Variants in AK7 observed in about 807,000 individuals in gnomAD.
The protein encoded by AK7 is adenylate kinase 7, also known as ATP-AMP transphosphorylase 7.
AK7 carries 78 observed loss-of-function variants against 96.6 expected under a neutral mutation model. The ratio of observed to expected loss-of-function variants is 0.81; its 90% CI spans 0.67 to 0.97. AK7 has a LOEUF of 0.97. Among genes scored for constraint, AK7 ranks in the 50% least tolerant of loss-of-function variants. AK7 has a pLI of 0.00. For synonymous variants in AK7, 302 were observed against 317.2 expected (o/e 0.95, Z 0.51); for missense variants, 855 against 887.9 (o/e 0.96, Z 0.47).
chr14:96,486,988 A>G lies in AK7; in HGVS notation c.2065A>G (p.Met689Val), dbSNP rs779924854. The G allele has an allele frequency of 6.2e-7, 1 of 1,614,170 alleles. No individual in the cohort carries two copies. Among genetic ancestry groups the G allele is most frequent in the Non-Finnish European group, 8.5e-7 (1 of 1,180,016 alleles). The change falls in exon 17 of 18, where the codon ATG becomes GTG. Residue 689 changes from methionine to valine, a missense_variant. Physicochemically the swap from Met to Val is conservative, Grantham distance 21. Transcript: ENST00000267584. ...PLRNYLMTYVMPTLIQGLNEC... is the reference protein window; with the variant it reads ...PLRNYLMTYVVPTLIQGLNEC... Reference sequence around the variant, plus strand: ...GAGAAACTATTTAATGACCTATGTGATGCCAACTCTTATTCAGGGCCTGAA... The same window carrying G: ...GAGAAACTATTTAATGACCTATGTGGTGCCAACTCTTATTCAGGGCCTGAA...
intron 16 of AK7, among the ~76,000 whole-genome samples, chr14:96,484,882 A>C (rs1460802819): frequency 6.6e-6 from 1 of 152,192 alleles, no homozygotes; most frequent in East Asian, 1.9e-4. Context: ...GGCACATAAC[A>C]GGCACTCAAC....
rs372976820 is a variant in AK7 at position 96,451,836 on chromosome 14, T to C, written c.1098+266T>C. ...TTAATAATTAGATAATATCTAATAA[T>C]GTATGCAAAATTATCTAATTTAAAC... On this transcript the variant is annotated intron_variant, in intron 10 of 17. Transcript: ENST00000267584. Among the ~76,000 whole-genome samples the C allele has an allele frequency of 1.1e-4, 17 of 152,298 alleles. No homozygotes were observed. The East Asian group carries it at 2.9e-3, about 26-fold the overall frequency.
At chr14:96,443,299 G>A (rs1353157594) in intron 7 of AK7, among the ~76,000 whole-genome samples, 3 of 152,184 alleles carry the variant, frequency 2.0e-5, no homozygotes, top group Non-Finnish European at 4.4e-5. Context: ...TATTCAGACA[G>A]GTCCAGAAAC....
intron 12 of AK7, 102 bp from the exon 13 acceptor site, chr14:96,471,376 G>T: frequency 7.5e-4 from 282 of 374,158 alleles, no homozygotes; most frequent in Non-Finnish European, 1.0e-3. Context: ...ATTTCCAATA[G>T]TACCTTTGAC....
chr14:96,470,544 C>T (rs1894826456), intron 12 of AK7, among the ~76,000 whole-genome samples: 1 of 152,088 alleles, frequency 6.6e-6, no homozygotes, highest in Non-Finnish European at 1.5e-5. Flanking sequence ...AAACTCCTCC[C>T]TCCTCATCCT....
chr14:96,402,062 A>G (rs1302715084), intron 2 of AK7, among the ~76,000 whole-genome samples: 1 of 152,022 alleles, frequency 6.6e-6, no homozygotes, highest in African/African-American at 2.4e-5. Flanking sequence ...TTTTTCACCA[A>G]GCAGGTTACC....
chr14:96,395,098 C>T (rs1889991469), intron 1 of AK7, among the ~76,000 whole-genome samples: 1 of 152,186 alleles, frequency 6.6e-6, no homozygotes, highest in East Asian at 1.9e-4. Flanking sequence ...CTCCTGGGCT[C>T]AAGTGATCTT....
chr14:96,453,519 G>A (rs1005872490), intron 10 of AK7, among the ~76,000 whole-genome samples: 15 of 152,340 alleles, frequency 9.8e-5, no homozygotes, highest in African/African-American at 2.9e-4. Context: ...ATGCACTTGC[G>A]TGATCGCAGT....
intron 12 of AK7, among the ~76,000 whole-genome samples, chr14:96,470,895 C>T (rs985346979): frequency 1.9e-4 from 29 of 152,160 alleles, no homozygotes; most frequent in Non-Finnish European, 4.1e-4. Context: ...AGTTGCTGCT[C>T]CTCAATCAAT....
intron 3 of AK7, among the ~76,000 whole-genome samples, chr14:96,407,297 A>G (rs1469139142): frequency 2.0e-5 from 3 of 152,234 alleles, no homozygotes; most frequent in Admixed American, 6.5e-5. Context: ...TAAATTGAAG[A>G]GACAATTTTT....
intron 5 of AK7, among the ~76,000 whole-genome samples, chr14:96,422,991 C>A (rs1256660108): frequency 1.3e-5 from 2 of 152,174 alleles, no homozygotes; most frequent in Non-Finnish European, 2.9e-5. Flanking sequence ...CAACATTCAG[C>A]AACTCCAGAC....
At chr14:96,456,565 C>T (rs945470176) in intron 11 of AK7, 90 bp downstream of exon 11, 123 of 1,462,418 alleles carry the variant, frequency 8.4e-5, no homozygotes, top group Non-Finnish European at 1.1e-4. Flanking sequence ...AATTAGCCAG[C>T]TGGATGCAGT....
chr14:96,393,909 G>A lies in AK7; in HGVS notation c.105+1650G>A, dbSNP rs2139964725. On this transcript the variant is annotated intron_variant, in intron 1 of 17. Transcript: ENST00000267584. The stretch of plus-strand genomic sequence containing the variant: ...GGATCACCTGAGGTCAGGAGTTCGA[G>A]ACCAGCCTGGCCAACATAGTGAAAC... Among the ~76,000 whole-genome samples, 2 of 152,210 alleles carry A rather than the reference G, an allele frequency of 1.3e-5. 1 individual carries two copies. Among genetic ancestry groups the A allele is most frequent in the South Asian group, 4.2e-4 (2 of 4,814 alleles).
intron 12 of AK7, among the ~76,000 whole-genome samples, chr14:96,461,036 A>G (rs79550855): frequency 0.017 from 2,639 of 152,352 alleles, 78 homozygotes; most frequent in African/African-American, 0.059. Context: ...GCTGCACCAC[A>G]AGGAAATGGC....
chr14:96,478,509 C>A lies in AK7; in HGVS notation c.1600C>A (p.Arg534Ser). 1.2e-6 allele frequency: 2 copies of A among 1,614,170 alleles called. No individual in the cohort carries two copies. Among genetic ancestry groups the A allele is most frequent in the Non-Finnish European group, 1.7e-6 (2 of 1,180,034 alleles). ...TGCTTCGGATGAGTTTCTGAAGGAGCGTGTGATAAACCTTCCTGAGAGCAT... is the reference window on the plus strand; with the variant it reads ...TGCTTCGGATGAGTTTCTGAAGGAGAGTGTGATAAACCTTCCTGAGAGCAT... ...LDASDEFLKE[R>S]VINLPESIVA... Residue 534 changes from arginine (R) to serine (S), a missense_variant, in exon 15 of 18, where the codon CGT (arginine) becomes AGT (serine). Physicochemically the swap from Arg to Ser is moderately radical, Grantham distance 110. Transcript: ENST00000267584.
At chr14:96,438,098 C>A (rs17094086) in intron 6 of AK7, among the ~76,000 whole-genome samples, 183 bp downstream of exon 6, 11,505 of 152,166 alleles carry the variant, frequency 0.076, 1,483 homozygotes, top group African/African-American at 0.26. Flanking sequence ...GTATTCACCA[C>A]TCTCAAAATA....
chr14:96,483,318 A>G (rs1426566806), intron 16 of AK7, 99 bp downstream of exon 16: 2 of 1,227,050 alleles, frequency 1.6e-6, no homozygotes, highest in Non-Finnish European at 2.3e-6. Context: ...ATCCTGCTCT[A>G]GGGAAATGTC....
Position 96,419,579 on chromosome 14 carries a change from A to G in AK7, c.499-1243A>G, listed in dbSNP as rs540082507. 2.6e-5 allele frequency among the ~76,000 whole-genome samples: 4 copies of G among 152,240 alleles called. No individual in the cohort carries two copies. The East Asian group carries it at 7.7e-4, about 29-fold the overall frequency. Reference sequence around the variant, plus strand: ...AATCCAGGATTTCAAGGCTGCAGTAAGCTATGATCAGGCCACTGCACTCCA... The same window carrying G: ...AATCCAGGATTTCAAGGCTGCAGTAGGCTATGATCAGGCCACTGCACTCCA... On this transcript the variant is annotated intron_variant, in intron 4 of 17. Coordinates refer to ENST00000267584, the MANE Select transcript of AK7 (RefSeq NM_152327.5).
intron 2 of AK7, 183 bp downstream of exon 2, chr14:96,398,446 G>A (rs1483507707): frequency 1.1e-5 from 7 of 646,870 alleles, no homozygotes; most frequent in East Asian, 8.3e-5. Flanking sequence ...TTTAATTTTC[G>A]GCCAAAGCAA....
Sources: allele counts gnomAD v4.1 joint callset (sites outside exome capture counted in the v4.1 genomes callset), GRCh38; gene constraint gnomAD v4.1.1; transcripts MANE v1.5; gene names NCBI Gene and HGNC (gene_info 2026-07-23, HGNC 2026-07-21).